Variants in PTPRD observed in about 807,000 individuals in gnomAD.
The protein encoded by PTPRD is receptor-type tyrosine-protein phosphatase delta.
Under a neutral mutation model 214.5 loss-of-function variants are expected in PTPRD, and 34 were observed. That is an observed-to-expected ratio of 0.16 (90% CI 0.12 to 0.21). PTPRD has a LOEUF of 0.21. Ranked by LOEUF, PTPRD falls within the 10% of genes least tolerant of loss-of-function variation. PTPRD has a pLI of 1.00. For synonymous variants in PTPRD, 1,128 were observed against 845.7 expected (o/e 1.33, Z -5.79); for missense variants, 2,545 against 2,398.7 (o/e 1.06, Z -1.27).
At chr9:10,242,090 G>A (rs1313697213) in intron 3 of PTPRD, among the ~76,000 whole-genome samples, 1 of 151,882 alleles carries the variant, frequency 6.6e-6, no homozygotes. Context: ...GACCTGTGAA[G>A]AGGAAAACCT....
At chr9:9,077,836 T>C (rs1265513998) in intron 10 of PTPRD, among the ~76,000 whole-genome samples, 3 of 152,068 alleles carry the variant, frequency 2.0e-5, no homozygotes, top group African/African-American at 7.2e-5. Flanking sequence ...CTGAGTCAGT[T>C]TTGTATTCAA....
At chr9:10,387,966 G>A (rs766278363) in intron 2 of PTPRD, among the ~76,000 whole-genome samples, 2 of 150,236 alleles carry the variant, frequency 1.3e-5, no homozygotes, top group Non-Finnish European at 3.0e-5. Context: ...CAGCAATTTT[G>A]TCTTCTTTTT....
At chr9:8,713,888 C>A in intron 12 of PTPRD, 1 of 1,001,466 alleles carries the variant, frequency 1.0e-6, no homozygotes, top group Non-Finnish European at 1.5e-6. Flanking sequence ...TCAGGAACGC[C>A]CCGGTGGAAA....
chr9:10,406,275 T>G (rs1263459823), intron 2 of PTPRD, among the ~76,000 whole-genome samples: 1 of 151,468 alleles, frequency 6.6e-6, no homozygotes, highest in Non-Finnish European at 1.5e-5. Flanking sequence ...AGTTTATTCA[T>G]CTAATAAGTA....
chr9:8,363,197 T>C (rs1325729613), intron 39 of PTPRD, among the ~76,000 whole-genome samples: 2 of 152,214 alleles, frequency 1.3e-5, no homozygotes, highest in East Asian at 1.9e-4. Flanking sequence ...TTGCATCTTA[T>C]ATACATTTAT....
chr9:8,845,662 C>T lies in PTPRD; in HGVS notation c.-103-111716G>A, dbSNP rs539635321. On this transcript the variant is annotated intron_variant, in intron 11 of 45. Transcript: ENST00000381196. ...TGCAAATCCTAGTGTCTAAGTAACA[C>T]TGGGTTTCAGAAAATGTCCACAGCT... Among the ~76,000 whole-genome samples, 4 of 152,336 alleles carry T rather than the reference C, an allele frequency of 2.6e-5. No individual in the cohort carries two copies. The East Asian group carries it at 7.7e-4, about 29-fold the overall frequency.
chr9:9,951,157 T>C (rs996373854), intron 4 of PTPRD, among the ~76,000 whole-genome samples: 24 of 152,102 alleles, frequency 1.6e-4, no homozygotes, highest in African/African-American at 5.8e-4. Context: ...CCTTTAATGT[T>C]TCAGGGACAA....
chr9:10,503,616 T>G (rs1197553477), intron 2 of PTPRD, among the ~76,000 whole-genome samples: 1 of 152,170 alleles, frequency 6.6e-6, no homozygotes, highest in African/African-American at 2.4e-5. Flanking sequence ...CAGGTACTAT[T>G]GGATATTGGA....
At chr9:10,179,552 A>C (rs915181768) in intron 3 of PTPRD, among the ~76,000 whole-genome samples, 1 of 152,070 alleles carries the variant, frequency 6.6e-6, no homozygotes, top group Admixed American at 6.6e-5. Flanking sequence ...TTTTGAGGAA[A>C]AGGGGTCAGA....
At position 9,413,881 on chromosome 9, in the gene PTPRD, G is replaced by C. The variant is rs557554538; in HGVS notation, c.-236-16399C>G. Among the ~76,000 whole-genome samples, 8 of 152,278 alleles carry C rather than the reference G, an allele frequency of 5.3e-5. 1 individual carries two copies. Among genetic ancestry groups the C allele is most frequent in the Admixed American group, 5.2e-4 (8 of 15,294 alleles). ...TGGTATTATATTTCACAGTGAGTTT[G>C]CCCTTTACATGTAATACATAATTAC... On this transcript the variant is annotated intron_variant, in intron 8 of 45. Coordinates refer to ENST00000381196, the MANE Select transcript of PTPRD (RefSeq NM_002839.4).
intron 7 of PTPRD, among the ~76,000 whole-genome samples, chr9:9,598,787 G>T (rs2093553968): frequency 6.6e-6 from 1 of 151,796 alleles, no homozygotes; most frequent in African/African-American, 2.4e-5. Flanking sequence ...TATCACAGTG[G>T]CTTATAAGAA....
chr9:10,227,187 C>T (rs931313753), intron 3 of PTPRD, among the ~76,000 whole-genome samples: 1 of 151,990 alleles, frequency 6.6e-6, no homozygotes, highest in African/African-American at 2.4e-5. Flanking sequence ...TTTGTTCAGA[C>T]TTGTTTACTA....
intron 4 of PTPRD, among the ~76,000 whole-genome samples, chr9:9,990,174 G>A (rs879805491): frequency 1.6e-4 from 25 of 152,164 alleles, no homozygotes; most frequent in Non-Finnish European, 3.1e-4. Context: ...TAGTCATTAC[G>A]TGGGACCAGG....
intron 2 of PTPRD, among the ~76,000 whole-genome samples, chr9:10,499,744 C>G (rs566498212): frequency 1.4e-5 from 2 of 145,600 alleles, no homozygotes; most frequent in East Asian, 4.3e-4. Context: ...TGATTTAAGA[C>G]CACCATGTCC....
At chr9:8,710,202 C>A (rs2098300955) in intron 12 of PTPRD, among the ~76,000 whole-genome samples, 1 of 152,122 alleles carries the variant, frequency 6.6e-6, no homozygotes, top group Admixed American at 6.5e-5. Context: ...TGGTAATGAG[C>A]TACAACCCTT....
rs543374920 is a variant in PTPRD, at chr9:9,771,391, A to G, written c.-367-4540T>C. On this transcript the variant is annotated intron_variant, in intron 5 of 45. Transcript: ENST00000381196. Reference sequence around the variant, plus strand: ...CTGAAGTACATAATTATTTTATGTCATTTGTGGTCAAAATTCGATGTATCC... The same window carrying G: ...CTGAAGTACATAATTATTTTATGTCGTTTGTGGTCAAAATTCGATGTATCC... 8.5e-5 allele frequency among the ~76,000 whole-genome samples: 13 copies of G among 152,280 alleles called. No individual in the cohort carries two copies. In the South Asian group the frequency reaches 2.7e-3, roughly 32 times the overall value.
chr9:8,322,340 C>G (rs1220491973), intron 44 of PTPRD, among the ~76,000 whole-genome samples: 1 of 152,168 alleles, frequency 6.6e-6, no homozygotes, highest in Non-Finnish European at 1.5e-5. Context: ...AGGCCTCTCG[C>G]ACCAAACAGC....
intron 14 of PTPRD, among the ~76,000 whole-genome samples, chr9:8,620,219 C>A (rs1472681444): frequency 6.6e-6 from 1 of 151,944 alleles, no homozygotes; most frequent in Non-Finnish European, 1.5e-5. Context: ...CCTGAGCAAG[C>A]AAATAGAGGT....
chr9:10,558,043 G>T (rs147335494), intron 2 of PTPRD, among the ~76,000 whole-genome samples: 142 of 152,108 alleles, frequency 9.3e-4, no homozygotes, highest in African/African-American at 3.0e-3. Context: ...ATTTCATACT[G>T]GACTCATAAT....
Sources: allele counts gnomAD v4.1 joint callset (sites outside exome capture counted in the v4.1 genomes callset), GRCh38; gene constraint gnomAD v4.1.1; transcripts MANE v1.5; gene names NCBI Gene and HGNC (gene_info 2026-07-23, HGNC 2026-07-21).